Variants in SAMD15 observed in about 807,000 individuals in gnomAD.
SAMD15 encodes the protein sterile alpha motif domain containing 15.
SAMD15 carries 37 observed loss-of-function variants against 50.5 expected under a neutral mutation model. The ratio of observed to expected loss-of-function variants is 0.73; its 90% confidence interval spans 0.56 to 0.96. The LOEUF (loss-of-function observed/expected upper bound fraction) is 0.96. Among genes scored for constraint, SAMD15 ranks in the 40% least tolerant of loss-of-function variants. The probability of loss-of-function intolerance (pLI) is 0.00; values close to 1 mark genes in which losing one functional copy is unlikely to be tolerated. For synonymous variants in SAMD15, 255 were observed against 282.8 expected (o/e 0.90, Z 0.99); for missense variants, 789 against 783.8 (o/e 1.01, Z -0.08).
At chr14:77,387,342 G>C (rs988688434) in intron 2 of SAMD15, among the ~76,000 whole-genome samples, 5 of 152,090 alleles carry the variant, frequency 3.3e-5, no homozygotes, top group African/African-American at 1.2e-4. Flanking sequence ...ATGCTGAGGT[G>C]GGAGGATCAC....
intron 2 of SAMD15, among the ~76,000 whole-genome samples, chr14:77,382,789 C>A (rs571910171): frequency 6.6e-6 from 1 of 152,164 alleles, no homozygotes; most frequent in African/African-American, 2.4e-5. Context: ...GATTTCAGCT[C>A]ACGGCAACCT....
In SAMD15 at chr14:77,377,400, C is replaced by A. The variant is rs780619867; in HGVS notation, c.-19C>A. 5 of 1,575,096 alleles carry A rather than the reference C, an allele frequency of 3.2e-6. No individual in the cohort carries two copies. Among genetic ancestry groups the A allele is most frequent in the Non-Finnish European group, 3.4e-6 (4 of 1,161,724 alleles). On this transcript the variant is annotated 5_prime_UTR_variant, in exon 1 of 3. Transcript: ENST00000216471. The stretch of plus-strand genomic sequence containing the variant: ...AGTTGGGGTTGCTAGGAAGCCGCGG[C>A]GCGTCTGCTAAGCTGCAAATGGCTG...
Position 77,378,491 on chromosome 14 carries a change from C to A in SAMD15, c.1073C>A (p.Pro358Gln), listed in dbSNP as rs781216804. The A allele has an allele frequency of 4.3e-6, 7 of 1,613,064 alleles. No homozygotes were observed. The highest frequency in any genetic ancestry group is 5.9e-6 in the Non-Finnish European group (7 of 1,179,836). ...TILEQSEMMK[P>Q]ESPEEIRKSN... is the part of the protein sequence containing the mutation. Reference sequence around the variant, plus strand: ...CTAGAACAATCAGAAATGATGAAACCAGAAAGTCCAGAAGAGATAAGAAAG... The same window carrying A: ...CTAGAACAATCAGAAATGATGAAACAAGAAAGTCCAGAAGAGATAAGAAAG... Residue 358 changes from proline (P) to glutamine (Q), a missense_variant, in exon 1 of 3, where the codon CCA (proline) becomes CAA (glutamine). Coordinates refer to ENST00000216471, the MANE Select transcript of SAMD15 (RefSeq NM_001010860.4).
intron 2 of SAMD15, among the ~76,000 whole-genome samples, chr14:77,389,735 G>A (rs1030601803): frequency 4.0e-5 from 6 of 151,888 alleles, no homozygotes; most frequent in African/African-American, 9.7e-5. Context: ...TCCTGACCTC[G>A]TGATCTGCCT....
chr14:77,380,264 A>G, intron 1 of SAMD15, 119 bp from the exon 2 acceptor site: 3 of 694,528 alleles, frequency 4.3e-6, no homozygotes, highest in Admixed American at 4.5e-5. Flanking sequence ...GAAAAAACAA[A>G]ATAATATTTT....
In SAMD15 at chr14:77,378,502, G is replaced by GAAGAGATAAGAAAGT. The variant is rs1392120688; in HGVS notation, c.1085_1099dup (p.Lys366_Ser367insTer). The GAAGAGATAAGAAAGT allele has an allele frequency of 2.5e-6, 4 of 1,613,740 alleles. No homozygotes were observed. The highest frequency in any genetic ancestry group is 3.4e-6 in the Non-Finnish European group (4 of 1,179,970). On this transcript the variant is annotated stop_gained and inframe_insertion, in exon 1 of 3. Transcript: ENST00000216471. LOFTEE classifies it high-confidence loss of function. ...AGAAATGATGAAACCAGAAAGTCCAGAAGAGATAAGAAAGTCAAATGAGAA... is the reference window on the plus strand; with the variant it reads ...AGAAATGATGAAACCAGAAAGTCCAGAAGAGATAAGAAAGTAAGAGATAAGAAAGTCAAATGAGAA...
intron 2 of SAMD15, among the ~76,000 whole-genome samples, chr14:77,384,235 C>T (rs1479290291): frequency 6.6e-6 from 1 of 152,086 alleles, no homozygotes; most frequent in Non-Finnish European, 1.5e-5. Context: ...GAAGAGCGAG[C>T]AGATTGCTTG....
intron 2 of SAMD15, among the ~76,000 whole-genome samples, chr14:77,381,301 A>G (rs1040937223): frequency 3.3e-5 from 5 of 152,204 alleles, no homozygotes; most frequent in African/African-American, 1.2e-4. Flanking sequence ...CCAACAGTTC[A>G]TGATTATTCT....
intron 2 of SAMD15, among the ~76,000 whole-genome samples, chr14:77,384,768 G>A (rs1308576880): frequency 6.6e-6 from 1 of 152,164 alleles, no homozygotes; most frequent in Admixed American, 6.5e-5. Context: ...GCTACTGAGT[G>A]TCACTGCTTC....
rs759665289 is a variant in SAMD15, at chr14:77,391,000, C to T, written c.1789-8C>T. On this transcript the variant is annotated splice_polypyrimidine_tract_variant and splice_region_variant and intron_variant, in intron 2 of 2. Coordinates refer to ENST00000216471, the MANE Select transcript of SAMD15 (RefSeq NM_001010860.4). Reference sequence around the variant, plus strand: ...TAGTCTAATTAAAAATTTATCCTTGCGTTTCAGGCAATTTCTCGGCATACG... The same window carrying T: ...TAGTCTAATTAAAAATTTATCCTTGTGTTTCAGGCAATTTCTCGGCATACG... 28 of 1,566,888 alleles carry T rather than the reference C, an allele frequency of 1.8e-5. No individual in the cohort carries two copies. Among genetic ancestry groups the T allele is most frequent in the Non-Finnish European group, 2.1e-5 (24 of 1,144,456 alleles).
At chr14:77,379,269 T>G in intron 1 of SAMD15, 162 bp downstream of exon 1, 1 of 634,694 alleles carries the variant, frequency 1.6e-6, no homozygotes, top group East Asian at 2.7e-5. Context: ...TTGCCACTGA[T>G]GTATATTTGT....
chr14:77,380,801 G>C (rs892061644), intron 2 of SAMD15, among the ~76,000 whole-genome samples: 8 of 151,954 alleles, frequency 5.3e-5, no homozygotes, highest in African/African-American at 1.9e-4. Context: ...TTGGATTCAA[G>C]GGCCCTGCTT....
rs370390636 is a variant in SAMD15 at position 77,384,215 on chromosome 14, T to C, written c.1788+3734T>C. On this transcript the variant is annotated intron_variant, in intron 2 of 2. Transcript: ENST00000216471. ...CATCATTTATGGACTTTTGGGAGAA[T>C]AGAAGGAAGGAAGAGCGAGCAGATT... Among the ~76,000 whole-genome samples the C allele has an allele frequency of 1.7e-4, 26 of 152,246 alleles. No homozygotes were observed. In the South Asian group the frequency reaches 2.1e-3, roughly 12 times the overall value.
chr14:77,388,062 C>T (rs867195725), intron 2 of SAMD15, among the ~76,000 whole-genome samples: 2 of 152,098 alleles, frequency 1.3e-5, no homozygotes, highest in African/African-American at 2.4e-5. Context: ...TAAATACACA[C>T]GAATGTGTAG....
intron 1 of SAMD15, 56 bp from the exon 2 acceptor site, chr14:77,380,327 T>C: frequency 9.3e-7 from 1 of 1,075,906 alleles, no homozygotes; most frequent in Non-Finnish European, 1.4e-6. Context: ...CTTCCCTCCC[T>C]TTCTTCCTTC....
rs201418471 is a variant in SAMD15, at chr14:77,378,275, C to A, written c.857C>A (p.Pro286Gln). 1 of 1,612,338 alleles carries A rather than the reference C, an allele frequency of 6.2e-7. No individual in the cohort carries two copies. Among genetic ancestry groups the A allele is most frequent in the East Asian group, 2.2e-5 (1 of 44,860 alleles). The part of the protein sequence containing the change: ...AGLEPPEETQ[P>Q]EVPEEMQRKA... ...CTAGAGCCTCCAGAAGAGACTCAACCAGAGGTTCCAGAGGAGATGCAAAGA... is the reference window on the plus strand; with the variant it reads ...CTAGAGCCTCCAGAAGAGACTCAACAAGAGGTTCCAGAGGAGATGCAAAGA... The change falls in exon 1 of 3, where the codon CCA becomes CAA. Residue 286 changes from proline (P) to glutamine (Q), a missense_variant. By Grantham distance (76) the Pro-to-Gln change is moderately conservative. Transcript: ENST00000216471.
At position 77,377,617 on chromosome 14, in the gene SAMD15, G is replaced by A. The variant is rs779015805; in HGVS notation, c.199G>A (p.Gly67Arg). The A allele has an allele frequency of 2.1e-5, 34 of 1,614,040 alleles. No homozygotes were observed. The highest frequency in any genetic ancestry group is 5.0e-5 in the Admixed American group (3 of 59,998). The change falls in exon 1 of 3, where the codon GGG (glycine) becomes AGG (arginine). Residue 67 changes from glycine to arginine, a missense_variant. Physicochemically the swap from Gly to Arg is moderately radical, Grantham distance 125. Coordinates refer to ENST00000216471, the MANE Select transcript of SAMD15 (RefSeq NM_001010860.4). Reference sequence around the variant, plus strand: ...GACCGAGGAAGAGGACTTCAAAGAGGGGGAGCCAGACAGTGCTAAGAACGT... The same window carrying A: ...GACCGAGGAAGAGGACTTCAAAGAGAGGGAGCCAGACAGTGCTAAGAACGT... Reference protein sequence around the residue: ...PETEEEDFKEGEPDSAKNVQL... With the variant: ...PETEEEDFKEREPDSAKNVQL...
At chr14:77,379,804 A>G (rs1566700225) in intron 1 of SAMD15, among the ~76,000 whole-genome samples, 1 of 152,172 alleles carries the variant, frequency 6.6e-6, no homozygotes, top group Admixed American at 6.5e-5. Context: ...AACTTGTGCT[A>G]TTACTTTTTA....
chr14:77,388,823 G>A (rs1894038395), intron 2 of SAMD15, among the ~76,000 whole-genome samples: 1 of 152,008 alleles, frequency 6.6e-6, no homozygotes, highest in African/African-American at 2.4e-5. Context: ...TGGCCAGGTT[G>A]GTCTCGAACT....
Sources: allele counts gnomAD v4.1 joint callset (sites outside exome capture counted in the v4.1 genomes callset), GRCh38; gene constraint gnomAD v4.1.1; transcripts MANE v1.5; gene names NCBI Gene and HGNC (gene_info 2026-07-23, HGNC 2026-07-21).